The following PJA2 variants were observed in gnomAD, a reference collection of about 807,000 sequenced individuals.
PJA2 encodes the protein E3 ubiquitin-protein ligase Praja-2.
In PJA2, 25 loss-of-function variants were observed where a neutral mutation model predicts 69.3. The observed-to-expected ratio is 0.36, with a 90% CI of 0.26 to 0.50. PJA2 has a LOEUF of 0.50. Among genes scored for constraint, PJA2 ranks in the 20% least tolerant of loss-of-function variants. The probability of loss-of-function intolerance (pLI) is 0.96; values close to 1 mark genes in which losing one functional copy is unlikely to be tolerated. For missense variants in PJA2, 809 were observed against 830.2 expected, an observed-to-expected ratio of 0.97 and a Z score of 0.31; for synonymous variants, 308 against 277.8, an observed-to-expected ratio of 1.11 and a Z score of -1.08.
chr5:109,380,278 T>C lies in PJA2; in HGVS notation c.233-1024A>G, dbSNP rs192814666. On this transcript the variant is annotated intron_variant, in intron 3 of 9. Coordinates refer to ENST00000361189, the MANE Select transcript of PJA2 (RefSeq NM_014819.5). ...GACCCTAGCTAGTAATTCAGATTCT[T>C]ACATATGACAGCAAAAATAATCTAG... 4.6e-5 allele frequency among the ~76,000 whole-genome samples: 7 copies of C among 152,062 alleles called. No individual in the cohort carries two copies. In the East Asian group the frequency reaches 1.4e-3, roughly 29 times the overall value.
In PJA2 at chr5:109,344,686, A is replaced by AG; in HGVS notation, c.1879+18dup. On this transcript the variant is annotated intron_variant, in intron 8 of 9. Coordinates refer to ENST00000361189, the MANE Select transcript of PJA2 (RefSeq NM_014819.5). ...TGTACAATGTGTTCTTCAACATTTG[A>AG]GATCAACTTTGCCCTTACCAGTGTG... The AG allele has an allele frequency of 6.7e-7, 1 of 1,489,080 alleles. No homozygotes were observed. The highest frequency in any genetic ancestry group is 1.2e-5 in the South Asian group (1 of 86,458). The allele number at this position is 1,489,080 out of a possible 1,614,324, so 92.2% of individuals were successfully genotyped here.
At chr5:109,402,928 T>C (rs1240549887) in intron 1 of PJA2, among the ~76,000 whole-genome samples, 1 of 151,912 alleles carries the variant, frequency 6.6e-6, no homozygotes, top group Non-Finnish European at 1.5e-5. Flanking sequence ...AGGCAGTGCT[T>C]GGAAGGAAAA....
chr5:109,382,834 C>T (rs1370656118), intron 2 of PJA2, among the ~76,000 whole-genome samples: 3 of 141,460 alleles, frequency 2.1e-5, no homozygotes, highest in South Asian at 4.4e-4. Context: ...GGTGACAGTT[C>T]GAAACTCCAT....
intron 2 of PJA2, among the ~76,000 whole-genome samples, chr5:109,382,565 T>C (rs929829482): frequency 1.3e-5 from 2 of 152,138 alleles, no homozygotes; most frequent in African/African-American, 2.4e-5. Flanking sequence ...AATGCAACAG[T>C]TGCTGGGCAT....
intron 7 of PJA2, among the ~76,000 whole-genome samples, chr5:109,352,790 AT>A (rs1561344155): frequency 6.6e-6 from 1 of 151,474 alleles, no homozygotes; most frequent in Non-Finnish European, 1.5e-5. Context: ...ATAGATATCT[AT>A]ATTAGATATG....
chr5:109,340,281 AAAG>A (rs1350684015), intron 9 of PJA2, among the ~76,000 whole-genome samples: 3 of 152,226 alleles, frequency 2.0e-5, no homozygotes, highest in African/African-American at 7.2e-5. Context: ...ATATTTTATA[AAAG>A]AACAGTGAAC....
At chr5:109,346,608 G>A (rs1046184254) in intron 7 of PJA2, among the ~76,000 whole-genome samples, 6 of 152,164 alleles carry the variant, frequency 3.9e-5, no homozygotes, top group South Asian at 2.1e-4. Context: ...CACATGCCAC[G>A]ACATGGATGA....
chr5:109,396,053 A>G (rs1230363398), intron 1 of PJA2, among the ~76,000 whole-genome samples: 1 of 152,032 alleles, frequency 6.6e-6, no homozygotes, highest in African/African-American at 2.4e-5. Flanking sequence ...GACAGGTTAC[A>G]AAAATAAAAA....
chr5:109,337,370 A>G lies in PJA2; in HGVS notation c.2002-14T>C. On this transcript the variant is annotated splice_polypyrimidine_tract_variant and intron_variant, in intron 9 of 9. Transcript: ENST00000361189. ...GCATGTTCCCGACTGGAGAAAAAAA[A>G]AATGTTAAGAGCCACCAGAATCATC... The G allele has an allele frequency of 1.3e-6, 2 of 1,580,474 alleles. No homozygotes were observed. The highest frequency in any genetic ancestry group is 1.7e-6 in the Non-Finnish European group (2 of 1,165,986).
chr5:109,353,474 G>A (rs1286504352), intron 7 of PJA2, among the ~76,000 whole-genome samples: 2 of 101,288 alleles, frequency 2.0e-5, no homozygotes, highest in Admixed American at 2.2e-4. Flanking sequence ...TATATCTATA[G>A]ATATCTAATA....
rs182590544 is a variant in PJA2, at chr5:109,372,754, A to G, written c.1284-4008T>C. On this transcript the variant is annotated intron_variant, in intron 4 of 9. Transcript: ENST00000361189. ...AAACTGGTCTCTACTAAAAATACAA[A>G]ATTAGCTGGGTGTGGTGGCGCATGC... is the stretch of plus-strand genomic sequence containing the variant. Among the ~76,000 whole-genome samples, 743 of 151,692 alleles carry G rather than the reference A, an allele frequency of 4.9e-3. 13 individuals carry two copies. Among genetic ancestry groups the G allele is most frequent in the Non-Finnish European group, 1.2e-3 (82 of 67,906 alleles).
intron 1 of PJA2, among the ~76,000 whole-genome samples, chr5:109,407,406 A>G (rs904946207): frequency 3.9e-5 from 6 of 152,178 alleles, no homozygotes; most frequent in African/African-American, 7.2e-5. Context: ...AAATATTTTA[A>G]TATCAGCGGC....
At chr5:109,343,979 CCCA>C (rs1367682956) in intron 9 of PJA2, among the ~76,000 whole-genome samples, 1 of 151,804 alleles carries the variant, frequency 6.6e-6, no homozygotes, top group Non-Finnish European at 1.5e-5. Flanking sequence ...TGCCTGTAAT[CCCA>C]GCTACTTGGG....
chr5:109,337,095 A>G lies in PJA2; in HGVS notation c.*136T>C. 2.5e-6 allele frequency: 2 copies of G among 816,324 alleles called. No individual in the cohort carries two copies. The highest frequency in any genetic ancestry group is 8.0e-5 in the East Asian group (2 of 24,958). 50.6% of individuals were successfully genotyped at this position (816,324 alleles called of 1,614,324 possible). On this transcript the variant is annotated 3_prime_UTR_variant, in exon 10 of 10. Coordinates refer to ENST00000361189, the MANE Select transcript of PJA2 (RefSeq NM_014819.5). ...AACCTAAATTTAGTTTAGAAAGGTTAATATTCTTTCTAAACTATGGCATAT... is the reference window on the plus strand; with the variant it reads ...AACCTAAATTTAGTTTAGAAAGGTTGATATTCTTTCTAAACTATGGCATAT...
chr5:109,340,615 G>C (rs1400169704), intron 9 of PJA2, among the ~76,000 whole-genome samples: 1 of 54,478 alleles, frequency 1.8e-5, no homozygotes, highest in African/African-American at 9.9e-5. Context: ...AGATTTATTG[G>C]GTCCCTCCCC....
chr5:109,401,220 G>T (rs918339735), intron 1 of PJA2, among the ~76,000 whole-genome samples: 1 of 151,396 alleles, frequency 6.6e-6, no homozygotes. Flanking sequence ...GGAGGTAGAG[G>T]TTGCAGTGAG....
chr5:109,374,619 T>A (rs1311792774), intron 4 of PJA2, among the ~76,000 whole-genome samples: 1 of 152,238 alleles, frequency 6.6e-6, no homozygotes, highest in Admixed American at 6.5e-5. Flanking sequence ...TATATCATAT[T>A]GAAGTCAACT....
intron 7 of PJA2, among the ~76,000 whole-genome samples, chr5:109,355,151 T>A (rs1762392902): frequency 6.6e-6 from 1 of 152,104 alleles, no homozygotes; most frequent in South Asian, 2.1e-4. Flanking sequence ...CAAACTGGAC[T>A]TTCTAATCTC....
chr5:109,356,933 G>T (rs1266670690), intron 6 of PJA2, among the ~76,000 whole-genome samples: 1 of 151,986 alleles, frequency 6.6e-6, no homozygotes, highest in African/African-American at 2.4e-5. Context: ...TGAACATATC[G>T]AGATTCCTCC....
Sources: allele counts gnomAD v4.1 joint callset (sites outside exome capture counted in the v4.1 genomes callset), GRCh38; gene constraint gnomAD v4.1.1; transcripts MANE v1.5; gene names NCBI Gene and HGNC (gene_info 2026-07-23, HGNC 2026-07-21).